Variants in CNTNAP2 observed in about 807,000 individuals in gnomAD.
CNTNAP2 encodes contactin-associated protein-like 2.
Under a neutral mutation model 155.2 loss-of-function variants are expected in CNTNAP2, and 98 were observed. That is an observed-to-expected ratio of 0.63 (90% CI 0.54 to 0.75). The LOEUF is 0.75. CNTNAP2 is among the 30% of genes least tolerant of loss of function. The pLI is 0.00. For missense variants in CNTNAP2, 1,727 were observed against 1,688.1 expected (o/e 1.02, Z -0.40); for synonymous variants, 651 against 631.2 (o/e 1.03, Z -0.47).
At chr7:147,174,225 TC>T (rs1284156643) in intron 8 of CNTNAP2, among the ~76,000 whole-genome samples, 1 of 152,124 alleles carries the variant, frequency 6.6e-6, no homozygotes, top group Non-Finnish European at 1.5e-5. Context: ...ACTTGTCACC[TC>T]CCTCCCAAAC....
At chr7:147,235,487 T>C (rs1374284323) in intron 8 of CNTNAP2, among the ~76,000 whole-genome samples, 1 of 152,110 alleles carries the variant, frequency 6.6e-6, no homozygotes, top group East Asian at 1.9e-4. Flanking sequence ...AGAATGCCTT[T>C]TCCCTTGGCA....
intron 21 of CNTNAP2, among the ~76,000 whole-genome samples, chr7:148,277,787 G>GAAAAAAGA (rs1289713495): frequency 1.1e-4 from 13 of 119,184 alleles, no homozygotes; most frequent in African/African-American, 4.7e-4. Context: ...CATTAAGAAA[G>GAAAAAAGA]AAAAAAGAAA....
At chr7:148,398,823 A>G (rs979911841) in intron 22 of CNTNAP2, among the ~76,000 whole-genome samples, 1 of 152,226 alleles carries the variant, frequency 6.6e-6, no homozygotes, top group Non-Finnish European at 1.5e-5. Flanking sequence ...GAAGACTTTC[A>G]TCTTATGAAT....
intron 4 of CNTNAP2, among the ~76,000 whole-genome samples, chr7:147,061,819 G>T (rs1014716786): frequency 6.6e-6 from 1 of 151,992 alleles, no homozygotes; most frequent in Non-Finnish European, 1.5e-5. Context: ...CTTAGTATTC[G>T]GATACTAATA....
intron 15 of CNTNAP2, among the ~76,000 whole-genome samples, chr7:148,059,604 A>AAAG (rs1803093109): frequency 6.7e-6 from 1 of 150,020 alleles, no homozygotes; most frequent in African/African-American, 2.5e-5. Context: ...AAAAAAAAAA[A>AAAG]AAAGAAAGAA....
Position 148,167,496 on chromosome 7 carries a change from G to A in CNTNAP2, c.2774-4746G>A, listed in dbSNP as rs546588785. Among the ~76,000 whole-genome samples, 8 of 150,944 alleles carry A rather than the reference G, an allele frequency of 5.3e-5. No individual in the cohort carries two copies. The East Asian group carries it at 1.4e-3, about 26-fold the overall frequency. On this transcript the variant is annotated intron_variant, in intron 17 of 23. Coordinates refer to ENST00000361727, the MANE Select transcript of CNTNAP2 (RefSeq NM_014141.6). ...ATATGTTACACCCAGTTAAAAGAGG[G>A]AGAAAAAAAAAAGTCAGACATCGGT...
intron 8 of CNTNAP2, among the ~76,000 whole-genome samples, chr7:147,272,724 C>G (rs532902527): frequency 1.3e-4 from 19 of 149,826 alleles, no homozygotes; most frequent in South Asian, 8.4e-4. Flanking sequence ...AGCCAGGATG[C>G]TCTCGATCTC....
At chr7:148,229,859 G>T in intron 20 of CNTNAP2, 80 bp downstream of exon 20, 5 of 1,544,888 alleles carry the variant, frequency 3.2e-6, no homozygotes, top group Non-Finnish European at 4.4e-6. Context: ...CATTGGTTTT[G>T]TTTTGAGGGG....
intron 9 of CNTNAP2, among the ~76,000 whole-genome samples, chr7:147,338,274 G>A (rs1382166749): frequency 6.6e-6 from 1 of 152,044 alleles, no homozygotes; most frequent in Admixed American, 6.6e-5. Context: ...AACAGCATGG[G>A]ATAAACCACC....
Position 146,432,430 on chromosome 7 carries a change from T to C in CNTNAP2, c.97+315457T>C, listed in dbSNP as rs558190699. 7.9e-5 allele frequency among the ~76,000 whole-genome samples: 12 copies of C among 152,272 alleles called. No individual in the cohort carries two copies. In the East Asian group the frequency reaches 2.3e-3, roughly 29 times the overall value. On this transcript the variant is annotated intron_variant, in intron 1 of 23. Transcript: ENST00000361727. ...TATATTTTTTGATCATTCAGAGGTC[T>C]AGCATTTTTTATTTTCTTCTAAATA...
chr7:148,028,918 A>G (rs908880776), intron 15 of CNTNAP2, among the ~76,000 whole-genome samples: 12 of 152,162 alleles, frequency 7.9e-5, no homozygotes, highest in African/African-American at 2.9e-4. Context: ...GATTTGGGGG[A>G]AGAGAAATCA....
At chr7:147,653,739 G>T (rs929576030) in intron 13 of CNTNAP2, among the ~76,000 whole-genome samples, 4 of 152,122 alleles carry the variant, frequency 2.6e-5, no homozygotes, top group Admixed American at 6.5e-5. Flanking sequence ...CACTCTGCAG[G>T]TCTGTTCAGC....
chr7:147,665,098 T>C (rs851733), intron 13 of CNTNAP2, among the ~76,000 whole-genome samples: 7,423 of 152,274 alleles, frequency 0.049, 610 homozygotes, highest in African/African-American at 0.17. Flanking sequence ...ACCAAATTTT[T>C]ACCTGTGCCC....
At chr7:147,571,154 T>C (rs1252589393) in intron 12 of CNTNAP2, among the ~76,000 whole-genome samples, 8 of 152,068 alleles carry the variant, frequency 5.3e-5, no homozygotes, top group Non-Finnish European at 1.2e-4. Context: ...AGTTTTAGGG[T>C]ACATGTGCAC....
intron 21 of CNTNAP2, among the ~76,000 whole-genome samples, chr7:148,301,306 A>AATATATATATATATATATAT (rs1554414673): frequency 8.7e-5 from 9 of 103,844 alleles, no homozygotes; most frequent in African/African-American, 2.3e-4. Flanking sequence ...AAAAAAAAAA[A>AATATATATATATATATATAT]ATATATATAT....
chr7:146,562,997 A>G (rs932716032), intron 1 of CNTNAP2, among the ~76,000 whole-genome samples: 3 of 152,218 alleles, frequency 2.0e-5, no homozygotes, highest in African/African-American at 7.2e-5. Flanking sequence ...AAAGTGCTCT[A>G]ATATTACAGA....
intron 13 of CNTNAP2, among the ~76,000 whole-genome samples, chr7:147,792,658 G>A (rs1797838138): frequency 6.6e-6 from 1 of 152,056 alleles, no homozygotes; most frequent in African/African-American, 2.4e-5. Flanking sequence ...ATGCTTCTAT[G>A]ACCATTCATC....
chr7:146,668,428 CTGTGTGTGTG>C (rs573459590), intron 1 of CNTNAP2, among the ~76,000 whole-genome samples: 64 of 115,572 alleles, frequency 5.5e-4, no homozygotes, highest in African/African-American at 1.3e-3. Context: ...TGTAATTTTC[CTGTGTGTGTG>C]TGTGTGTGTG....
chr7:148,358,698 A>C (rs1798565107), intron 21 of CNTNAP2, among the ~76,000 whole-genome samples: 1 of 152,232 alleles, frequency 6.6e-6, no homozygotes, highest in Non-Finnish European at 1.5e-5. Flanking sequence ...TCAGGAATGC[A>C]TTAGAATAAA....
Sources: gnomAD v4.1 joint callset for allele counts (sites outside exome capture counted in the v4.1 genomes callset) on GRCh38, gnomAD v4.1.1 for gene constraint, MANE v1.5 for transcripts, NCBI Gene and HGNC (gene_info 2026-07-23, HGNC 2026-07-21) for gene names.